Variants in CASD1 observed in about 807,000 individuals in gnomAD.
CASD1 encodes the protein N-acetylneuraminate (7)9-O-acetyltransferase.
Under a neutral mutation model 100.0 loss-of-function variants are expected in CASD1, and 41 were observed. The observed-to-expected ratio is 0.41, with a 90% CI of 0.32 to 0.53. CASD1 has a LOEUF of 0.53. Among genes scored for constraint, CASD1 ranks in the 20% least tolerant of loss-of-function variants. CASD1 has a pLI of 0.25. For synonymous variants in CASD1, 321 were observed against 315.6 expected (o/e 1.02, Z -0.18); for missense variants, 774 against 948.7 (o/e 0.82, Z 2.42).
At chr7:94,584,585 C>A in the CASD1 span, among the ~76,000 whole-genome samples, 2 of 152,120 alleles carry the variant, frequency 1.3e-5, no homozygotes, top group African/African-American at 4.8e-5. Context: ...ATTTTTGTGA[C>A]CTCTGGGCAC....
intron 3 of CASD1, among the ~76,000 whole-genome samples, chr7:94,519,140 A>T (rs1794122865): frequency 6.6e-6 from 1 of 152,136 alleles, no homozygotes; most frequent in Non-Finnish European, 1.5e-5. Context: ...TTTTGTTAGG[A>T]AATTTCTCGT....
chr7:94,601,443 C>CAAAAAAA, the CASD1 span, among the ~76,000 whole-genome samples: 1,499 of 89,142 alleles, frequency 0.017, 200 homozygotes, highest in East Asian at 0.02. Flanking sequence ...ATCCCAGTAT[C>CAAAAAAA]AAAAAAAAAA....
chr7:94,553,320 G>A (rs553438744), intron 16 of CASD1, among the ~76,000 whole-genome samples: 34 of 152,130 alleles, frequency 2.2e-4, no homozygotes, highest in Middle Eastern at 6.8e-3. Context: ...ACAAGATTAA[G>A]TGCCTTGCCA....
intron 3 of CASD1, among the ~76,000 whole-genome samples, chr7:94,519,652 A>G (rs1311589447): frequency 6.6e-6 from 1 of 152,130 alleles, no homozygotes; most frequent in African/African-American, 2.4e-5. Flanking sequence ...AAATTTTAAT[A>G]AACTTTTATT....
intron 1 of CASD1, among the ~76,000 whole-genome samples, chr7:94,511,926 C>G (rs545260278): frequency 3.3e-5 from 5 of 152,284 alleles, no homozygotes; most frequent in Admixed American, 3.3e-4. Flanking sequence ...AAAGCCTTCT[C>G]CAGAAGTAAG....
chr7:94,601,306 G>GA, the CASD1 span, among the ~76,000 whole-genome samples: 33 of 145,512 alleles, frequency 2.3e-4, no homozygotes, highest in African/African-American at 4.0e-4. Context: ...AAGAAAAAAG[G>GA]AAAAAAAAAA....
chr7:94,530,227 G>A (rs1794780218), intron 5 of CASD1, among the ~76,000 whole-genome samples: 1 of 152,156 alleles, frequency 6.6e-6, no homozygotes, highest in African/African-American at 2.4e-5. Flanking sequence ...TGAGTGTGGG[G>A]AACGAGAAGT....
At chr7:94,524,111 A>G (rs1794424459) in intron 3 of CASD1, 1 of 152,140 alleles carries the variant, frequency 6.6e-6, no homozygotes, top group Non-Finnish European at 1.5e-5. Context: ...AATAAAATGT[A>G]GGAGAATATC....
chr7:94,613,079 G>A, the CASD1 span, among the ~76,000 whole-genome samples: 1 of 152,134 alleles, frequency 6.6e-6, no homozygotes, highest in South Asian at 2.1e-4. Context: ...TAGCCTACTG[G>A]CTAAATGAAT....
chr7:94,625,726 T>C, the CASD1 span: 1 of 152,080 alleles, frequency 6.6e-6, no homozygotes, highest in Non-Finnish European at 1.5e-5. Flanking sequence ...AAGCTTAAGT[T>C]CACTATTGCT....
intron 4 of CASD1, 134 bp downstream of exon 4, chr7:94,527,340 T>C: frequency 1.5e-6 from 1 of 649,482 alleles, no homozygotes; most frequent in East Asian, 2.8e-5. Flanking sequence ...TAAAAGTTTG[T>C]GTGAGTTATT....
At chr7:94,579,780 C>T in the CASD1 span, among the ~76,000 whole-genome samples, 4 of 152,102 alleles carry the variant, frequency 2.6e-5, no homozygotes, top group East Asian at 1.9e-4. Flanking sequence ...AGCACCAGTC[C>T]GAACCTCTAC....
the CASD1 span, among the ~76,000 whole-genome samples, chr7:94,563,245 C>T: frequency 6.6e-6 from 1 of 152,080 alleles, no homozygotes; most frequent in African/African-American, 2.4e-5. Context: ...CCCTCCTTAC[C>T]CCCTTTTCCA....
chr7:94,511,755 CCCCTT>C (rs1427112944), intron 1 of CASD1, among the ~76,000 whole-genome samples: 1 of 152,130 alleles, frequency 6.6e-6, no homozygotes, highest in Non-Finnish European at 1.5e-5. Context: ...AACATCTAGT[CCCCTT>C]CCTTTTATTT....
At chr7:94,577,359 T>C in the CASD1 span, among the ~76,000 whole-genome samples, 3 of 152,230 alleles carry the variant, frequency 2.0e-5, no homozygotes, top group Non-Finnish European at 4.4e-5. Flanking sequence ...CCATATTCTT[T>C]GTCATGTGTA....
chr7:94,587,496 G>A, the CASD1 span: 8 of 1,292,508 alleles, frequency 6.2e-6, no homozygotes, highest in African/African-American at 9.3e-5. Flanking sequence ...TATCGTAGAA[G>A]TATTCTTTTA....
At position 94,544,544 on chromosome 7, in the gene CASD1, G is replaced by A. The variant is rs200883183; in HGVS notation, c.1476+14G>A. 90 of 1,599,222 alleles carry A rather than the reference G, an allele frequency of 5.6e-5. 1 individual carries two copies. In the Middle Eastern group the frequency reaches 1.2e-3, roughly 21 times the overall value. Reference sequence around the variant, plus strand: ...AGAGTATGTCAGGTAGGAATGCACTGTTATTTCCTTTTCTTCCAGTTGAAC... The same window carrying A: ...AGAGTATGTCAGGTAGGAATGCACTATTATTTCCTTTTCTTCCAGTTGAAC... On this transcript the variant is annotated intron_variant, in intron 11 of 17. Transcript: ENST00000297273.
intron 1 of CASD1, among the ~76,000 whole-genome samples, chr7:94,511,822 A>G (rs1793723415): frequency 6.6e-6 from 1 of 152,192 alleles, no homozygotes; most frequent in Non-Finnish European, 1.5e-5. Context: ...TTTTTAGATT[A>G]TAGATTTCAT....
At chr7:94,523,317 A>G (rs1425450435) in intron 3 of CASD1, among the ~76,000 whole-genome samples, 2 of 152,262 alleles carry the variant, frequency 1.3e-5, no homozygotes, top group Non-Finnish European at 2.9e-5. Context: ...ACTAGAAGTA[A>G]TAAAGATTTT....
Sources: allele counts gnomAD v4.1 joint callset (sites outside exome capture counted in the v4.1 genomes callset), GRCh38; gene constraint gnomAD v4.1.1; transcripts MANE v1.5; gene names NCBI Gene and HGNC (gene_info 2026-07-23, HGNC 2026-07-21).